HINFP: variants seen among roughly 807,000 people sequenced by gnomAD.
The protein encoded by HINFP is histone H4 transcription factor.
In HINFP, 20 loss-of-function variants were observed where a neutral mutation model predicts 50.1. That is an observed-to-expected ratio of 0.40 (90% CI 0.28 to 0.58). HINFP has a LOEUF of 0.58. HINFP is among the 20% of genes least tolerant of loss of function. The pLI is 0.45. For synonymous variants in HINFP, 247 were observed against 243.7 expected (o/e 1.01, Z -0.13); for missense variants, 505 against 664.1 (o/e 0.76, Z 2.63).
intron 2 of HINFP, 162 bp from the exon 3 acceptor site, chr11:119,130,563 G>A: frequency 1.6e-6 from 1 of 616,378 alleles, no homozygotes; most frequent in East Asian, 2.8e-5. Flanking sequence ...CACAATTTAT[G>A]GTCATTAAAT....
chr11:119,133,447 C>G, intron 9 of HINFP: 1 of 479,696 alleles, frequency 2.1e-6, no homozygotes, highest in Middle Eastern at 6.1e-4. Flanking sequence ...AGCATGGTGG[C>G]ACATGCCTGT....
chr11:119,134,809 T>G lies in HINFP; in HGVS notation c.*311T>G. The G allele has an allele frequency of 3.9e-6, 1 of 255,960 alleles. No homozygotes were observed. Among genetic ancestry groups the G allele is most frequent in the Non-Finnish European group, 7.6e-6 (1 of 132,362 alleles). 15.9% of individuals were successfully genotyped at this position (255,960 alleles called of 1,614,324 possible). A position where few individuals can be genotyped will look rare whatever the true frequency, so the allele number is the denominator to read the frequency against. ...CAAGATCTGCTTGACAGTGATTAAA[T>G]CCTTAGCTCACATCCATTCCCATCT... On this transcript the variant is annotated 3_prime_UTR_variant, in exon 10 of 10. Coordinates refer to ENST00000350777, the MANE Select transcript of HINFP (RefSeq NM_198971.3). The surrounding 1 kb of genome is among the most constrained non-coding windows in gnomAD (Gnocchi z 4.3).
rs191440560 is a variant in HINFP, at chr11:119,135,578, G to T, written c.*1080G>T. ...AAGAGATTGAAACCTCCCAAAATAAGAATCATCATTTCGTCTGGTTCAGCT... is the reference window on the plus strand; with the variant it reads ...AAGAGATTGAAACCTCCCAAAATAATAATCATCATTTCGTCTGGTTCAGCT... On this transcript the variant is annotated 3_prime_UTR_variant, in exon 10 of 10. Coordinates refer to ENST00000350777, the MANE Select transcript of HINFP (RefSeq NM_198971.3). 1.3e-5 allele frequency: 2 copies of T among 152,256 alleles called. No homozygotes were observed. The highest frequency in any genetic ancestry group is 2.9e-5 in the Non-Finnish European group (2 of 68,022). The allele number at this position is 152,256 out of a possible 1,614,324, so 9.4% of individuals were successfully genotyped here.
At position 119,133,103 on chromosome 11, in the gene HINFP, T is replaced by C. The variant is rs759262269; in HGVS notation, c.1023T>C (p.Ser341=). The C allele has an allele frequency of 1.2e-6, 2 of 1,614,268 alleles. No homozygotes were observed. Among genetic ancestry groups the C allele is most frequent in the East Asian group, 4.5e-5 (2 of 44,884 alleles). The change falls in exon 9 of 10, where the codon TCT becomes TCC. Residue 341 remains serine, a synonymous_variant. Transcript: ENST00000350777. ...SHYRKVHEGD[S]EPRYKCHVCD... Reference sequence around the variant, plus strand: ...CCTTCCTTCCCCATCAGGGAGACTCTGAGCCAAGGTACAAATGTCATGTGT... The same window carrying C: ...CCTTCCTTCCCCATCAGGGAGACTCCGAGCCAAGGTACAAATGTCATGTGT...
rs1348088481 is a variant in HINFP at position 119,127,033 on chromosome 11, A to C, written c.89A>C (p.Glu30Ala). 1 of 1,614,016 alleles carries C rather than the reference A, an allele frequency of 6.2e-7. No homozygotes were observed. The highest frequency in any genetic ancestry group is 8.5e-7 in the Non-Finnish European group (1 of 1,180,022). Residue 30 changes from glutamate to alanine, a missense_variant, in exon 2 of 10, where the codon GAA (glutamate) becomes GCA (alanine). Glu to Ala is a moderately radical substitution (Grantham distance 107). Coordinates refer to ENST00000350777, the MANE Select transcript of HINFP (RefSeq NM_198971.3). ...GSCSFVCSTM[E>A]KFFEHVTQHL... is the part of the protein sequence containing the mutation. ...TGCTCCTTTGTGTGCTCAACCATGGAAAAGTTCTTTGAGCATGTCACTCAG... is the reference window on the plus strand; with the variant it reads ...TGCTCCTTTGTGTGCTCAACCATGGCAAAGTTCTTTGAGCATGTCACTCAG...
At chr11:119,133,050 C>G (rs1272619415) in intron 8 of HINFP, 45 bp from the exon 9 acceptor site, 1 of 1,614,128 alleles carries the variant, frequency 6.2e-7, no homozygotes, top group South Asian at 1.1e-5. Context: ...ATGGGGGACC[C>G]TGGGGTGAAG....
chr11:119,126,978 A>G lies in HINFP; in HGVS notation c.34A>G (p.Asn12Asp). The change falls in exon 2 of 10, where the codon AAT becomes GAT. Residue 12 changes from asparagine (N) to aspartate (D), a missense_variant. By Grantham distance (23) the Asn-to-Asp change is conservative. Transcript: ENST00000350777. The part of the protein sequence containing the change: ...PPPGKVPRKE[N>D]LWLQCEWGSC... Reference sequence around the variant, plus strand: ...TCCTGGGAAAGTTCCCCGAAAGGAGAATCTGTGGCTACAGTGTGAGTGGGG... The same window carrying G: ...TCCTGGGAAAGTTCCCCGAAAGGAGGATCTGTGGCTACAGTGTGAGTGGGG... 1 of 1,613,664 alleles carries G rather than the reference A, an allele frequency of 6.2e-7. No homozygotes were observed. Among genetic ancestry groups the G allele is most frequent in the Non-Finnish European group, 8.5e-7 (1 of 1,179,862 alleles).
chr11:119,134,044 C>T lies in HINFP; in HGVS notation c.1140-40C>T, dbSNP rs765706381. 10 of 1,613,418 alleles carry T rather than the reference C, an allele frequency of 6.2e-6. No homozygotes were observed. In the South Asian group the frequency reaches 1.1e-4, roughly 18 times the overall value. On this transcript the variant is annotated intron_variant, in intron 9 of 9. Transcript: ENST00000350777. The surrounding 1 kb of genome is among the most constrained non-coding windows in gnomAD (Gnocchi z 4.3). Reference sequence around the variant, plus strand: ...CAGCCTCGGCCATTTCTGTATCCCCCTGCCTGGGTTTGCTGCCCTTTATGC... The same window carrying T: ...CAGCCTCGGCCATTTCTGTATCCCCTTGCCTGGGTTTGCTGCCCTTTATGC...
intron 1 of HINFP, among the ~76,000 whole-genome samples, chr11:119,122,990 G>T (rs1394215064): frequency 1.3e-5 from 2 of 151,980 alleles, no homozygotes; most frequent in Non-Finnish European, 2.9e-5. Context: ...GGGCGTGGTG[G>T]TGCGTGCTTA....
rs1230662107 is a variant in HINFP, at chr11:119,133,234, C to G, written c.1139+15C>G. ...CCCCGTTTTCGGTATGTCTCTCAAC[C>G]CTCCTTCCCAGATTAACACACTTGT... On this transcript the variant is annotated intron_variant, in intron 9 of 9. Transcript: ENST00000350777. The G allele has an allele frequency of 1.2e-6, 2 of 1,613,348 alleles. No individual in the cohort carries two copies. Among genetic ancestry groups the G allele is most frequent in the African/African-American group, 2.7e-5 (2 of 75,012 alleles).
chr11:119,123,768 A>G (rs1217420002), intron 1 of HINFP: 1 of 138,372 alleles, frequency 7.2e-6, no homozygotes, highest in African/African-American at 2.7e-5. Context: ...GCTGGAGTGC[A>G]ATGGTGCGAT....
Position 119,134,670 on chromosome 11 carries a change from C to A in HINFP, c.*172C>A. The A allele has an allele frequency of 1.8e-6, 1 of 543,276 alleles. No homozygotes were observed. Among genetic ancestry groups the A allele is most frequent in the Non-Finnish European group, 3.2e-6 (1 of 309,322 alleles). The allele number at this position is 543,276 out of a possible 1,614,324, so 33.7% of individuals were successfully genotyped here. On this transcript the variant is annotated 3_prime_UTR_variant, in exon 10 of 10. Coordinates refer to ENST00000350777, the MANE Select transcript of HINFP (RefSeq NM_198971.3). This position sits in a 1 kb window ranked among gnomAD's most constrained non-coding sequence, Gnocchi z 4.3. ...CATTCTGCAGACTCTAAAGACTTCCCTTTTCTGCCAGACTACATTTTGTGG... is the reference window on the plus strand; with the variant it reads ...CATTCTGCAGACTCTAAAGACTTCCATTTTCTGCCAGACTACATTTTGTGG...
chr11:119,131,471 G>A lies in HINFP; in HGVS notation c.412-64G>A, dbSNP rs1037619810. 37 of 1,084,120 alleles carry A rather than the reference G, an allele frequency of 3.4e-5. No individual in the cohort carries two copies. Among genetic ancestry groups the A allele is most frequent in the Non-Finnish European group, 4.9e-5 (34 of 697,420 alleles). The allele number at this position is 1,084,120 out of a possible 1,614,324, so 67.2% of individuals were successfully genotyped here. Reference sequence around the variant, plus strand: ...TTTGGGAGAGAGCCAAGAATTCTTCGGGCACATAGGGGTGAGTCCCTCTAC... The same window carrying A: ...TTTGGGAGAGAGCCAAGAATTCTTCAGGCACATAGGGGTGAGTCCCTCTAC... On this transcript the variant is annotated intron_variant, in intron 3 of 9. Transcript: ENST00000350777. This position sits in a 1 kb window ranked among gnomAD's most constrained non-coding sequence, Gnocchi z 4.2.
In HINFP at chr11:119,133,236, T is replaced by G. The variant is rs775320024; in HGVS notation, c.1139+17T>G. 1 of 1,612,978 alleles carries G rather than the reference T, an allele frequency of 6.2e-7. No individual in the cohort carries two copies. Among genetic ancestry groups the G allele is most frequent in the South Asian group, 1.1e-5 (1 of 90,982 alleles). The stretch of plus-strand genomic sequence containing the variant: ...CCGTTTTCGGTATGTCTCTCAACCC[T>G]CCTTCCCAGATTAACACACTTGTTT... On this transcript the variant is annotated intron_variant, in intron 9 of 9. Coordinates refer to ENST00000350777, the MANE Select transcript of HINFP (RefSeq NM_198971.3).
At chr11:119,122,982 G>A (rs1357382184) in intron 1 of HINFP, among the ~76,000 whole-genome samples, 1 of 151,960 alleles carries the variant, frequency 6.6e-6, no homozygotes, top group East Asian at 1.9e-4. Context: ...AATTAGCTGG[G>A]CGTGGTGGTG....
At position 119,133,156 on chromosome 11, in the gene HINFP, A is replaced by G. The variant is rs1256230880; in HGVS notation, c.1076A>G (p.Asn359Ser). The change falls in exon 9 of 10, where the codon AAC becomes AGC. Residue 359 changes from asparagine to serine, a missense_variant. By Grantham distance (46) the Asn-to-Ser change is conservative (BLOSUM62 1). Coordinates refer to ENST00000350777, the MANE Select transcript of HINFP (RefSeq NM_198971.3). The stretch of plus-strand genomic sequence containing the variant: ...GACAAATGCTTCACACGGGGCAACA[A>G]CCTCACCGTGCACCTTCGCAAGAAG... ...VCDKCFTRGN[N>S]LTVHLRKKHQ... The G allele has an allele frequency of 1.5e-5, 25 of 1,614,192 alleles. No homozygotes were observed. The highest frequency in any genetic ancestry group is 2.1e-5 in the Non-Finnish European group (25 of 1,180,046).
Position 119,127,131 on chromosome 11 carries a change from A to G in HINFP, c.181+6A>G. 6.2e-7 allele frequency: 1 copy of G among 1,602,588 alleles called. No individual in the cohort carries two copies. The highest frequency in any genetic ancestry group is 8.5e-7 in the Non-Finnish European group (1 of 1,174,960). ...AGAGGAGGATGACCCACTTGGTAAG[A>G]GAGCAGGACACAGGAAGGGGAGGAG... On this transcript the variant is annotated splice_donor_region_variant and intron_variant, in intron 2 of 9. Coordinates refer to ENST00000350777, the MANE Select transcript of HINFP (RefSeq NM_198971.3).
chr11:119,129,457 C>T (rs1947622286), intron 2 of HINFP, among the ~76,000 whole-genome samples: 1 of 148,756 alleles, frequency 6.7e-6, no homozygotes, highest in Admixed American at 6.7e-5. Context: ...TAAGCATAAG[C>T]CACTGCATCT....
At chr11:119,129,654 C>T (rs1045893676) in intron 2 of HINFP, among the ~76,000 whole-genome samples, 20 of 151,404 alleles carry the variant, frequency 1.3e-4, no homozygotes, top group Admixed American at 2.6e-4. Context: ...TTAGTAGAGA[C>T]GGGGTTTGAC....
Sources: gnomAD v4.1 joint callset for allele counts (sites outside exome capture counted in the v4.1 genomes callset) on GRCh38, gnomAD v4.1.1 for gene constraint, Gnocchi (gnomAD v3.1) non-coding constraint, MANE v1.5 for transcripts, NCBI Gene and HGNC (gene_info 2026-07-23, HGNC 2026-07-21) for gene names.